The following APOOL variants were observed in gnomAD, a reference collection of about 807,000 sequenced individuals.
APOOL encodes the protein MICOS complex subunit MIC27.
In APOOL, 12 loss-of-function variants were observed where a neutral mutation model predicts 23.1. That is an observed-to-expected ratio of 0.52 (90% CI 0.33 to 0.84). The LOEUF (loss-of-function observed/expected upper bound fraction) is 0.84. Ranked by LOEUF, APOOL falls within the 40% of genes least tolerant of loss-of-function variation. The pLI is 0.02. For synonymous variants in APOOL, 77 were observed against 69.9 expected (o/e 1.10, Z -0.51); for missense variants, 212 against 199.6 (o/e 1.06, Z -0.37).
At chrX:85,020,163 G>A (rs1185362764) in intron 1 of APOOL, among the ~76,000 whole-genome samples, 1 of 111,997 alleles carries the variant, frequency 8.9e-6, no homozygotes, top group African/African-American at 3.3e-5. Flanking sequence ...AAAAGCATCA[G>A]CAAGATGGCA....
At position 85,088,316 on chromosome X, in the gene APOOL, GTT is replaced by G. The variant is rs766497759; in HGVS notation, c.*666_*667del. On this transcript the variant is annotated 3_prime_UTR_variant, in exon 9 of 9. Coordinates refer to ENST00000373173, the MANE Select transcript of APOOL (RefSeq NM_198450.6). Reference sequence around the variant, plus strand: ...TGTATGGAAAGGTGTGTTTCCCTCTGTTTTTTTTTTTTTTTTTTTTTTTTTTT... The same window carrying G: ...TGTATGGAAAGGTGTGTTTCCCTCTGTTTTTTTTTTTTTTTTTTTTTTTTT... 3 of 22,527 alleles carry G rather than the reference GTT, an allele frequency of 1.3e-4. No homozygotes were observed. The highest frequency in any genetic ancestry group is 1.6e-4 in the Non-Finnish European group (2 of 12,651). The allele number at this position is 22,527 out of a possible 1,213,427, so 1.9% of individuals were successfully genotyped here.
chrX:85,042,495 T>C (rs1356512793), intron 1 of APOOL, among the ~76,000 whole-genome samples: 1 of 112,076 alleles, frequency 8.9e-6, no homozygotes, highest in Non-Finnish European at 1.9e-5. Flanking sequence ...ACTTGATGGC[T>C]TCACTGCTGG....
chrX:85,011,318 G>T (rs780774600), intron 1 of APOOL, among the ~76,000 whole-genome samples: 52 of 111,665 alleles, frequency 4.7e-4, no homozygotes, highest in Non-Finnish European at 7.7e-4. Flanking sequence ...TTTGTTTGCT[G>T]TGTAGAAACT....
intron 8 of APOOL, among the ~76,000 whole-genome samples, chrX:85,077,061 G>GTATA (rs753917488): frequency 2.4e-4 from 15 of 61,971 alleles, no homozygotes; most frequent in African/African-American, 5.1e-4. Flanking sequence ...GTATATACAC[G>GTATA]TATATATATA....
intron 4 of APOOL, among the ~76,000 whole-genome samples, chrX:85,055,069 A>C (rs1922913925): frequency 8.9e-6 from 1 of 112,018 alleles, no homozygotes; most frequent in Non-Finnish European, 1.9e-5. Context: ...GGAGATAGAA[A>C]GATGAGCTAA....
rs1424859380 is a variant in APOOL, at chrX:85,090,013, A to T, written c.*2335A>T. The T allele has an allele frequency of 9.2e-6, 1 of 108,593 alleles. No individual in the cohort carries two copies. Among genetic ancestry groups the T allele is most frequent in the African/African-American group, 3.4e-5 (1 of 29,847 alleles). The allele number at this position is 108,593 out of a possible 1,213,427, so 8.9% of individuals were successfully genotyped here. On this transcript the variant is annotated 3_prime_UTR_variant, in exon 9 of 9. Coordinates refer to ENST00000373173, the MANE Select transcript of APOOL (RefSeq NM_198450.6). ...TCCTATTTATAGCCTAGAATTAGGC[A>T]GTATAGGGTTGGGACAGTGGCTCAT...
intron 1 of APOOL, among the ~76,000 whole-genome samples, chrX:85,012,718 T>C (rs1395732345): frequency 8.9e-6 from 1 of 112,126 alleles, no homozygotes; most frequent in East Asian, 2.8e-4. Flanking sequence ...GCTCATCTTT[T>C]TGATATGCTG....
intron 1 of APOOL, among the ~76,000 whole-genome samples, chrX:85,012,388 A>G (rs1481267560): frequency 1.8e-5 from 2 of 111,589 alleles, no homozygotes; most frequent in African/African-American, 6.5e-5. Context: ...CATGTTGAAT[A>G]GAAGTGGTGA....
At chrX:85,035,546 A>G (rs1438242854) in intron 1 of APOOL, among the ~76,000 whole-genome samples, 1 of 110,602 alleles carries the variant, frequency 9.0e-6, no homozygotes, top group Non-Finnish European at 1.9e-5. Flanking sequence ...CCAGAATGGT[A>G]TTTTCTAGCT....
chrX:85,014,306 T>C (rs1383215839), intron 1 of APOOL, among the ~76,000 whole-genome samples: 2 of 111,678 alleles, frequency 1.8e-5, no homozygotes, highest in Non-Finnish European at 3.8e-5. Context: ...ATTTAGGCCA[T>C]TTACTATCAG....
intron 5 of APOOL, 32 bp from the exon 6 acceptor site, chrX:85,067,095 T>G (rs1285486015): frequency 2.1e-6 from 2 of 932,931 alleles, no homozygotes; most frequent in Admixed American, 5.4e-5. Flanking sequence ...TGGTATATAT[T>G]TGGAGTTTAA....
At chrX:85,048,591 A>G (rs1192355453) in intron 2 of APOOL, among the ~76,000 whole-genome samples, 2 of 112,048 alleles carry the variant, frequency 1.8e-5, no homozygotes, top group Non-Finnish European at 3.8e-5. Context: ...TGAGGAATGT[A>G]GAATTTCTGA....
rs1924580770 is a variant in APOOL at position 85,093,165 on chromosome X, A to G, written c.*5487A>G. ...GAAAAGGTTAATGTATAGAATATCA[A>G]TACTAATTGTAATACATACCTGACT... On this transcript the variant is annotated 3_prime_UTR_variant, in exon 9 of 9. Transcript: ENST00000373173. The G allele has an allele frequency of 1.7e-6, 2 of 1,147,298 alleles. No homozygotes were observed. Among genetic ancestry groups the G allele is most frequent in the Non-Finnish European group, 2.3e-6 (2 of 856,331 alleles). The allele number at this position is 1,147,298 out of a possible 1,213,427, so 94.6% of individuals were successfully genotyped here. A position where few individuals can be genotyped will look rare whatever the true frequency, so the allele number is the denominator to read the frequency against.
intron 5 of APOOL, among the ~76,000 whole-genome samples, chrX:85,065,409 A>T (rs1923417756): frequency 9.0e-6 from 1 of 111,323 alleles, no homozygotes. Context: ...TGTGAATTTG[A>T]TCCTGTCATA....
Position 85,051,384 on chromosome X carries a change from T to C in APOOL, c.121-5T>C. ...GTTTTTGACATGAACATTTTTTGCCTGTAGCTCCCCATATATACTGCACCA... is the reference window on the plus strand; with the variant it reads ...GTTTTTGACATGAACATTTTTTGCCCGTAGCTCCCCATATATACTGCACCA... On this transcript the variant is annotated splice_polypyrimidine_tract_variant and splice_region_variant and intron_variant, in intron 2 of 8. Transcript: ENST00000373173. The C allele has an allele frequency of 8.3e-7, 1 of 1,209,558 alleles. No homozygotes were observed. The highest frequency in any genetic ancestry group is 1.1e-6 in the Non-Finnish European group (1 of 894,731).
intron 1 of APOOL, among the ~76,000 whole-genome samples, chrX:85,032,846 C>G (rs1405788531): frequency 8.9e-6 from 1 of 111,896 alleles, no homozygotes; most frequent in Non-Finnish European, 1.9e-5. Context: ...AGTGCTAGAG[C>G]TCTAATTTTG....
At chrX:85,077,110 TA>T (rs1481336219) in intron 8 of APOOL, among the ~76,000 whole-genome samples, 8 of 103,164 alleles carry the variant, frequency 7.8e-5, no homozygotes, top group East Asian at 3.0e-4. Flanking sequence ...CATATATATA[TA>T]TTTTTTTAAT....
intron 1 of APOOL, among the ~76,000 whole-genome samples, chrX:85,042,380 C>CA (rs1922428572): frequency 9.0e-6 from 1 of 111,677 alleles, no homozygotes; most frequent in Non-Finnish European, 1.9e-5. Flanking sequence ...CCCAGACACA[C>CA]ACAACCTACC....
At chrX:85,057,666 T>C (rs2147650848) in intron 5 of APOOL, among the ~76,000 whole-genome samples, 1 of 107,741 alleles carries the variant, frequency 9.3e-6, no homozygotes, top group Admixed American at 1.0e-4. Context: ...ATGGATGATA[T>C]ATATATCTCA....
Sources: gnomAD v4.1 joint callset for allele counts (sites outside exome capture counted in the v4.1 genomes callset) on GRCh38, gnomAD v4.1.1 for gene constraint, MANE v1.5 for transcripts, NCBI Gene and HGNC (gene_info 2026-07-23, HGNC 2026-07-21) for gene names.